Variants in C1QTNF1 observed in about 807,000 individuals in gnomAD.
C1QTNF1 encodes complement C1q tumor necrosis factor-related protein 1.
In C1QTNF1, 22 loss-of-function variants were observed where a neutral mutation model predicts 27.8. The ratio of observed to expected loss-of-function variants is 0.79; its 90% confidence interval spans 0.56 to 1.13. C1QTNF1 has a LOEUF of 1.13. Ranked by LOEUF, C1QTNF1 falls within the 50% of genes most tolerant of loss-of-function variation. The probability of loss-of-function intolerance (pLI) is 0.00; values close to 1 mark genes in which losing one functional copy is unlikely to be tolerated. For synonymous variants in C1QTNF1, 166 were observed against 154.3 expected (o/e 1.08, Z -0.56); for missense variants, 373 against 380.2 (o/e 0.98, Z 0.16).
At chr17:79,039,908 CTT>C (rs1382775382) in intron 1 of C1QTNF1, among the ~76,000 whole-genome samples, 2 of 151,954 alleles carry the variant, frequency 1.3e-5, no homozygotes, top group African/African-American at 2.4e-5. Context: ...AGGAAAATCT[CTT>C]TTCCTTTTAA....
intron 1 of C1QTNF1, among the ~76,000 whole-genome samples, chr17:79,033,954 G>A (rs900749923): frequency 7.9e-5 from 12 of 152,150 alleles, no homozygotes; most frequent in Non-Finnish European, 1.8e-4. Context: ...AGCAGTCGGG[G>A]CGGGGCCAGC....
rs192493129 is a variant in C1QTNF1, at chr17:79,048,399, G to C, written c.*311G>C. The C allele has an allele frequency of 9.2e-6, 3 of 326,630 alleles. No individual in the cohort carries two copies. The East Asian group carries it at 1.6e-4, about 18-fold the overall frequency. The allele number at this position is 326,630 out of a possible 1,614,324, so 20.2% of individuals were successfully genotyped here. A position where few individuals can be genotyped will look rare whatever the true frequency, so the allele number is the denominator to read the frequency against. On this transcript the variant is annotated 3_prime_UTR_variant, in exon 4 of 4. Coordinates refer to ENST00000579760, the MANE Select transcript of C1QTNF1 (RefSeq NM_030968.5). ...GTGGCGGCAGGGCGTCCCAGGGTGC[G>C]GCACCGCGGCTCCAGTCCTTGGAAA...
upstream of C1QTNF1, among the ~76,000 whole-genome samples, chr17:79,023,534 A>G (rs1366288010): frequency 6.6e-6 from 1 of 152,226 alleles, no homozygotes; most frequent in Admixed American, 6.5e-5. Flanking sequence ...GGCCTGATAG[A>G]GACTGAGGAG....
intron 1 of C1QTNF1, among the ~76,000 whole-genome samples, chr17:79,032,484 C>T (rs900030452): frequency 6.6e-6 from 1 of 152,106 alleles, no homozygotes; most frequent in African/African-American, 2.4e-5. Context: ...TTCAGATTTG[C>T]GTTTTTCAGA....
At chr17:79,042,904 GTA>G (rs2072450814) in intron 1 of C1QTNF1, among the ~76,000 whole-genome samples, 1 of 152,196 alleles carries the variant, frequency 6.6e-6, no homozygotes, top group East Asian at 1.9e-4. Context: ...TGTGTTGAGA[GTA>G]TGCGGGCGTG....
intron 2 of C1QTNF1, among the ~76,000 whole-genome samples, chr17:79,044,933 T>G (rs1169040375): frequency 1.3e-5 from 2 of 152,180 alleles, no homozygotes; most frequent in Non-Finnish European, 2.9e-5. Flanking sequence ...CCTCTTTCTT[T>G]GATTGAGCCC....
intron 2 of C1QTNF1, among the ~76,000 whole-genome samples, chr17:79,044,351 C>T (rs560589452): frequency 1.3e-5 from 2 of 152,308 alleles, no homozygotes; most frequent in East Asian, 1.9e-4. Flanking sequence ...AGCCTCACCA[C>T]GAGCCTAAAG....
At chr17:79,047,113 G>A in intron 3 of C1QTNF1, 1 of 245,178 alleles carries the variant, frequency 4.1e-6, no homozygotes. Flanking sequence ...GGAAACACTT[G>A]CAGCCTAGAT....
chr17:79,043,687 T>G (rs1263029936), intron 1 of C1QTNF1: 1 of 546,960 alleles, frequency 1.8e-6, no homozygotes, highest in Admixed American at 2.3e-5. Context: ...GTGTGTTGAG[T>G]GTGTGCATGT....
chr17:79,047,243 T>TTC (rs1423960051), intron 3 of C1QTNF1: 9 of 354,874 alleles, frequency 2.5e-5, no homozygotes, highest in African/African-American at 1.5e-4. Flanking sequence ...CTTTTCTTTT[T>TTC]TTTTTTTTTT....
At chr17:79,035,644 T>C (rs1166990397) in intron 1 of C1QTNF1, among the ~76,000 whole-genome samples, 1 of 152,192 alleles carries the variant, frequency 6.6e-6, no homozygotes, top group Non-Finnish European at 1.5e-5. Flanking sequence ...TTGGCCAGGC[T>C]GGCCTCGAGC....
At chr17:79,029,011 T>C (rs1362905217) in intron 1 of C1QTNF1, among the ~76,000 whole-genome samples, 1 of 152,142 alleles carries the variant, frequency 6.6e-6, no homozygotes, top group Non-Finnish European at 1.5e-5. Flanking sequence ...GCACCAGGGA[T>C]ATCTTAGCAC....
intron 1 of C1QTNF1, among the ~76,000 whole-genome samples, chr17:79,033,907 T>G (rs879828173): frequency 6.6e-6 from 1 of 151,198 alleles, no homozygotes; most frequent in Non-Finnish European, 1.5e-5. Context: ...TGCAGAAGGG[T>G]GTTGGGTGCC....
chr17:79,041,354 G>A (rs968435394), intron 1 of C1QTNF1, among the ~76,000 whole-genome samples: 1 of 152,084 alleles, frequency 6.6e-6, no homozygotes, highest in African/African-American at 2.4e-5. Flanking sequence ...AGAGAGGTTC[G>A]GGGGGGCCAG....
chr17:79,028,462 G>T (rs746747178), intron 1 of C1QTNF1, among the ~76,000 whole-genome samples: 26 of 152,220 alleles, frequency 1.7e-4, no homozygotes, highest in Non-Finnish European at 3.2e-4. Flanking sequence ...AGTCTTCAGA[G>T]CTGGGGACAG....
In C1QTNF1 at chr17:79,043,955, G is replaced by A. The variant is rs1363081453; in HGVS notation, c.-14G>A. 1 of 1,613,856 alleles carries A rather than the reference G, an allele frequency of 6.2e-7. No individual in the cohort carries two copies. Among genetic ancestry groups the A allele is most frequent in the Non-Finnish European group, 8.5e-7 (1 of 1,180,010 alleles). On this transcript the variant is annotated splice_region_variant and 5_prime_UTR_variant, in exon 2 of 4. Transcript: ENST00000579760. ...TCCCTGTGTGTTTCTTTCCCACCAG[G>A]GCCCGGCAGGAAGATGGGCTCCCGT...
At chr17:79,030,485 T>TTCTTTCTTTTTCTTTCTTTC (rs1471598732) in intron 1 of C1QTNF1, among the ~76,000 whole-genome samples, 2 of 121,870 alleles carry the variant, frequency 1.6e-5, no homozygotes, top group African/African-American at 3.6e-5. Flanking sequence ...CTTTCTTTCT[T>TTCTTTCTTTTTCTTTCTTTC]TTTCTTTCTT....
At chr17:79,028,060 G>A (rs757516628) in intron 1 of C1QTNF1, among the ~76,000 whole-genome samples, 59 of 152,214 alleles carry the variant, frequency 3.9e-4, no homozygotes, top group Non-Finnish European at 6.6e-4. Flanking sequence ...TGGCCGGGCC[G>A]GTGTCTGCCC....
At chr17:79,041,168 C>T (rs2072397238) in intron 1 of C1QTNF1, among the ~76,000 whole-genome samples, 1 of 152,156 alleles carries the variant, frequency 6.6e-6, no homozygotes, top group Non-Finnish European at 1.5e-5. Flanking sequence ...TGGGTGGGGG[C>T]TGTGGCCTAA....
Sources: gnomAD v4.1 joint callset for allele counts (sites outside exome capture counted in the v4.1 genomes callset) on GRCh38, gnomAD v4.1.1 for gene constraint, MANE v1.5 for transcripts, NCBI Gene and HGNC (gene_info 2026-07-23, HGNC 2026-07-21) for gene names.